Variants in PLXNA4 observed in about 807,000 individuals in gnomAD.
The protein encoded by PLXNA4 is plexin-A4.
In PLXNA4, 44 loss-of-function variants were observed where a neutral mutation model predicts 191.8. The ratio of observed to expected loss-of-function variants is 0.23; its 90% CI spans 0.18 to 0.29. The LOEUF is 0.29. Ranked by LOEUF, PLXNA4 falls within the 10% of genes least tolerant of loss-of-function variation. The probability of loss-of-function intolerance (pLI) is 1.00; values close to 1 mark genes in which losing one functional copy is unlikely to be tolerated. For missense variants in PLXNA4, 1,800 were observed against 2,488.8 expected (o/e 0.72, Z 5.89); for synonymous variants, 1,082 against 1,009.5 (o/e 1.07, Z -1.36).
At chr7:132,196,569 T>C (rs1797261015) in intron 13 of PLXNA4, among the ~76,000 whole-genome samples, 1 of 152,258 alleles carries the variant, frequency 6.6e-6, no homozygotes, top group South Asian at 2.1e-4. Flanking sequence ...TTTTTACTAT[T>C]ATAAATAAGG....
intron 2 of PLXNA4, among the ~76,000 whole-genome samples, chr7:132,629,522 A>AT (rs995652518): frequency 1.3e-5 from 2 of 152,140 alleles, no homozygotes; most frequent in African/African-American, 4.8e-5. Context: ...TGACCTGCAT[A>AT]TTTTTTAACT....
intron 1 of PLXNA4, among the ~76,000 whole-genome samples, chr7:132,521,653 G>T (rs1037202572): frequency 3.9e-5 from 6 of 152,138 alleles, no homozygotes; most frequent in African/African-American, 1.4e-4. Context: ...CTGTGTTTGT[G>T]CCAGCAACAC....
chr7:132,520,002 G>A (rs923745950), intron 1 of PLXNA4, among the ~76,000 whole-genome samples: 2 of 152,226 alleles, frequency 1.3e-5, no homozygotes, highest in Non-Finnish European at 2.9e-5. Context: ...GGCTATCATT[G>A]AGGTTGGGAA....
intron 3 of PLXNA4, among the ~76,000 whole-genome samples, chr7:132,464,576 G>GAAAA (rs1796630668): frequency 6.6e-6 from 1 of 152,140 alleles, no homozygotes; most frequent in African/African-American, 2.4e-5. Flanking sequence ...TGGAATATGT[G>GAAAA]AAAAATGTGT....
At chr7:132,162,129 CCGCCG>C (rs1795969728) in intron 24 of PLXNA4, among the ~76,000 whole-genome samples, 1 of 152,240 alleles carries the variant, frequency 6.6e-6, no homozygotes, top group Admixed American at 6.5e-5. Flanking sequence ...CCTCCAGCCA[CCGCCG>C]AGTTCCAGGA....
At chr7:132,223,384 A>G in intron 9 of PLXNA4, 143 bp downstream of exon 9, 2 of 676,132 alleles carry the variant, frequency 3.0e-6, no homozygotes, top group Non-Finnish European at 5.1e-6. Flanking sequence ...TCCTGTTTTT[A>G]TAAAGTGGAC....
At chr7:132,207,769 T>C (rs772021219) in intron 10 of PLXNA4, among the ~76,000 whole-genome samples, 2 of 152,258 alleles carry the variant, frequency 1.3e-5, no homozygotes, top group African/African-American at 2.4e-5. Flanking sequence ...CAATTGTTCA[T>C]GGATTTAGGA....
intron 3 of PLXNA4, among the ~76,000 whole-genome samples, chr7:132,455,457 AGAGT>A (rs1298999748): frequency 1.3e-5 from 2 of 151,894 alleles, no homozygotes; most frequent in African/African-American, 4.8e-5. Flanking sequence ...ACACACACGC[AGAGT>A]GAGGGCCGCT....
intron 3 of PLXNA4, among the ~76,000 whole-genome samples, chr7:132,431,608 C>T (rs1168112262): frequency 6.6e-6 from 1 of 152,132 alleles, no homozygotes; most frequent in African/African-American, 2.4e-5. Context: ...AGACCTCTGA[C>T]CTGCAAGACA....
At chr7:132,524,002 C>T (rs1242896642) in intron 1 of PLXNA4, among the ~76,000 whole-genome samples, 2 of 152,214 alleles carry the variant, frequency 1.3e-5, no homozygotes, top group African/African-American at 2.4e-5. Context: ...GAGAACCACA[C>T]TGTGTGTTCT....
chr7:132,314,287 T>C (rs1402657742), intron 3 of PLXNA4, among the ~76,000 whole-genome samples: 1 of 152,176 alleles, frequency 6.6e-6, no homozygotes, highest in Non-Finnish European at 1.5e-5. Flanking sequence ...TATGTCAAAT[T>C]AAAAATCCAG....
intron 3 of PLXNA4, among the ~76,000 whole-genome samples, chr7:132,477,658 T>C (rs1797183998): frequency 6.6e-6 from 1 of 152,186 alleles, no homozygotes. Flanking sequence ...TTCAAATACA[T>C]TTTTTTATTC....
intron 31 of PLXNA4, among the ~76,000 whole-genome samples, chr7:132,132,458 T>TTCTGTTCTGC (rs1385388681): frequency 3.6e-5 from 2 of 55,648 alleles, no homozygotes; most frequent in East Asian, 1.0e-3. Flanking sequence ...TTCTGTTCTG[T>TTCTGTTCTGC]TCTGTTCTGC....
chr7:132,544,943 C>T (rs559303193), intron 1 of PLXNA4, among the ~76,000 whole-genome samples: 1 of 152,346 alleles, frequency 6.6e-6, no homozygotes, highest in East Asian at 1.9e-4. Context: ...TGAACTGGAC[C>T]TGTGCTACAA....
At chr7:132,343,797 A>G (rs1259350480) in intron 3 of PLXNA4, among the ~76,000 whole-genome samples, 1 of 152,136 alleles carries the variant, frequency 6.6e-6, no homozygotes, top group Admixed American at 6.5e-5. Flanking sequence ...CACACCTATA[A>G]TCCCAGCTAC....
At chr7:132,338,778 A>C (rs1489262457) in intron 3 of PLXNA4, among the ~76,000 whole-genome samples, 1 of 152,164 alleles carries the variant, frequency 6.6e-6, no homozygotes, top group African/African-American at 2.4e-5. Flanking sequence ...GCCCTCAAAT[A>C]ATAACTGTGG....
intron 3 of PLXNA4, among the ~76,000 whole-genome samples, chr7:132,452,079 T>G (rs1461440338): frequency 6.6e-6 from 1 of 152,268 alleles, no homozygotes; most frequent in African/African-American, 2.4e-5. Flanking sequence ...TCTTGCCCTT[T>G]TCTTTTGGTT....
intron 22 of PLXNA4, among the ~76,000 whole-genome samples, chr7:132,168,020 G>A (rs1796171729): frequency 1.3e-5 from 2 of 152,158 alleles, no homozygotes; most frequent in African/African-American, 4.8e-5. Flanking sequence ...CAGTAGACAG[G>A]GTCAAGATTA....
intron 2 of PLXNA4, among the ~76,000 whole-genome samples, chr7:132,601,752 G>T (rs960670493): frequency 2.6e-5 from 4 of 152,166 alleles, no homozygotes; most frequent in African/African-American, 9.7e-5. Context: ...TGGCAAGAGG[G>T]AGGTTTCTGT....
Sources: gnomAD v4.1 joint callset for allele counts (sites outside exome capture counted in the v4.1 genomes callset) on GRCh38, gnomAD v4.1.1 for gene constraint, MANE v1.5 for transcripts, NCBI Gene and HGNC (gene_info 2026-07-23, HGNC 2026-07-21) for gene names.